DIP2C: variants seen among roughly 807,000 people sequenced by gnomAD.
DIP2C encodes the protein disco-interacting protein 2 homolog C.
Under a neutral mutation model 192.4 loss-of-function variants are expected in DIP2C, and 33 were observed. The observed-to-expected ratio is 0.17, with a 90% CI of 0.13 to 0.23. DIP2C has a LOEUF of 0.23. Among genes scored for constraint, DIP2C ranks in the 10% least tolerant of loss-of-function variants. The pLI, the probability that DIP2C is intolerant of heterozygous loss-of-function variation, is 1.00. For missense variants in DIP2C, 1,537 were observed against 2,110.1 expected, an observed-to-expected ratio of 0.73 and a Z score of 5.32; for synonymous variants, 979 against 864.1, an observed-to-expected ratio of 1.13 and a Z score of -2.33.
At chr10:426,808 A>T (rs182791382) in intron 4 of DIP2C, among the ~76,000 whole-genome samples, 496 of 152,294 alleles carry the variant, frequency 3.3e-3, no homozygotes, top group Non-Finnish European at 5.5e-3. Context: ...AACACACCAA[A>T]AAGAAAAAGC....
In DIP2C at chr10:415,851, C is replaced by A; in HGVS notation, c.777G>T (p.Gln259His). 6.2e-7 allele frequency: 1 copy of A among 1,613,890 alleles called. No individual in the cohort carries two copies. Among genetic ancestry groups the A allele is most frequent in the Non-Finnish European group, 8.5e-7 (1 of 1,179,986 alleles). Residue 259 changes from glutamine (Q) to histidine (H), a missense_variant, in exon 7 of 37, where the codon CAG becomes CAT. Transcript: ENST00000280886. ...PVSSRVSAKIQQLVNTLKRPK... is the reference protein window; with the variant it reads ...PVSSRVSAKIHQLVNTLKRPK... The stretch of plus-strand genomic sequence containing the variant: ...GTCGTTTGAGGGTATTGACAAGCTG[C>A]TGGATTTTTGCTGACACCCGGCTAC...
At chr10:599,629 C>G (rs947864832) in intron 1 of DIP2C, among the ~76,000 whole-genome samples, 2 of 152,158 alleles carry the variant, frequency 1.3e-5, no homozygotes, top group African/African-American at 4.8e-5. Context: ...GCTGGAGGGA[C>G]CTTCCAGGTA....
At position 292,240 on chromosome 10, in the gene DIP2C, T is replaced by C. The variant is rs556187852; in HGVS notation, c.3987-3819A>G. On this transcript the variant is annotated intron_variant, in intron 32 of 36. Transcript: ENST00000280886. Reference sequence around the variant, plus strand: ...CCAAATCGGCTCCACGAACCATTACTGCTGACACCCTTCCCTAGGTGAAAG... The same window carrying C: ...CCAAATCGGCTCCACGAACCATTACCGCTGACACCCTTCCCTAGGTGAAAG... Among the ~76,000 whole-genome samples, 43 of 152,364 alleles carry C rather than the reference T, an allele frequency of 2.8e-4. 1 individual carries two copies. In the South Asian group the frequency reaches 8.3e-3, roughly 29 times the overall value.
intron 4 of DIP2C, among the ~76,000 whole-genome samples, chr10:440,593 A>G (rs1382706545): frequency 1.3e-5 from 2 of 152,242 alleles, no homozygotes; most frequent in Non-Finnish European, 2.9e-5. Flanking sequence ...TTTCCCCTAC[A>G]AAGAATTAAA....
chr10:607,232 G>A lies in DIP2C; in HGVS notation c.85+82262C>T, dbSNP rs117111192. ...AGCCTCGAAGACACCAGTGAGAACT[G>A]ACCTGCCTCTTTTAAGGCAGCTCAA... On this transcript the variant is annotated intron_variant, in intron 1 of 36. Transcript: ENST00000280886. Among the ~76,000 whole-genome samples, 381 of 152,290 alleles carry A rather than the reference G, an allele frequency of 2.5e-3. 1 individual carries two copies. Among genetic ancestry groups the A allele is most frequent in the Middle Eastern group, 0.01 (3 of 294 alleles).
Position 317,258 on chromosome 10 carries a change from G to A in DIP2C, c.3925-7166C>T, listed in dbSNP as rs760850276. On this transcript the variant is annotated intron_variant, in intron 31 of 36. Coordinates refer to ENST00000280886, the MANE Select transcript of DIP2C (RefSeq NM_014974.3). ...AGACAGTGTGAACTCAGCTCAGGCC[G>A]TCTACCAGCAAGCTGGTCATCAGGA... is the stretch of plus-strand genomic sequence containing the variant. Among the ~76,000 whole-genome samples, 25 of 152,208 alleles carry A rather than the reference G, an allele frequency of 1.6e-4. 1 individual carries two copies. Among genetic ancestry groups the A allele is most frequent in the East Asian group, 7.7e-4 (4 of 5,188 alleles).
At chr10:466,658 T>C (rs1279818964) in intron 3 of DIP2C, among the ~76,000 whole-genome samples, 3 of 147,992 alleles carry the variant, frequency 2.0e-5, no homozygotes, top group East Asian at 2.0e-4. Context: ...AGGGCTAATA[T>C]CCAGAATCTA....
intron 3 of DIP2C, among the ~76,000 whole-genome samples, chr10:450,889 G>T (rs546409967): frequency 1.3e-5 from 2 of 152,290 alleles, no homozygotes; most frequent in South Asian, 2.1e-4. Context: ...AGCCAGGTTG[G>T]TTCTGTCACT....
chr10:470,545 G>A (rs1422489018), intron 3 of DIP2C, among the ~76,000 whole-genome samples: 1 of 152,176 alleles, frequency 6.6e-6, no homozygotes, highest in Non-Finnish European at 1.5e-5. Context: ...ACCTCTCTCA[G>A]GCTTTTATCA....
intron 1 of DIP2C, among the ~76,000 whole-genome samples, chr10:505,307 T>C (rs1332843914): frequency 6.6e-6 from 1 of 152,158 alleles, no homozygotes; most frequent in African/African-American, 2.4e-5. Context: ...GGAGCTATCT[T>C]AGGAGGCAAC....
chr10:323,995 G>A (rs1248299290), intron 31 of DIP2C, among the ~76,000 whole-genome samples: 1 of 152,084 alleles, frequency 6.6e-6, no homozygotes, highest in Non-Finnish European at 1.5e-5. Context: ...TCTGCCTGTA[G>A]CCTCTGCACT....
chr10:482,520 C>T (rs1458669016), intron 2 of DIP2C, among the ~76,000 whole-genome samples: 3 of 152,184 alleles, frequency 2.0e-5, no homozygotes, highest in African/African-American at 4.8e-5. Flanking sequence ...TTGTAACTTG[C>T]ACCTGGGCAT....
At chr10:597,486 C>T (rs773691907) in intron 1 of DIP2C, among the ~76,000 whole-genome samples, 1 of 152,158 alleles carries the variant, frequency 6.6e-6, no homozygotes, top group Non-Finnish European at 1.5e-5. Context: ...GAATGGAGAC[C>T]TGGTGAATGG....
chr10:643,720 C>A (rs748874661), intron 1 of DIP2C, among the ~76,000 whole-genome samples: 22 of 152,234 alleles, frequency 1.4e-4, no homozygotes, highest in Non-Finnish European at 3.2e-4. Context: ...TGGGCCCCCA[C>A]AATGCACAGG....
In DIP2C at chr10:597,381, G is replaced by C. The variant is rs571006796; in HGVS notation, c.85+92113C>G. ...ACACCGGGCTGGCTCTGTCTCTCTG[G>C]AGAGCCCTGACTAAGCTGCCCCTAG... On this transcript the variant is annotated intron_variant, in intron 1 of 36. Coordinates refer to ENST00000280886, the MANE Select transcript of DIP2C (RefSeq NM_014974.3). Among the ~76,000 whole-genome samples, 19 of 152,308 alleles carry C rather than the reference G, an allele frequency of 1.2e-4. No individual in the cohort carries two copies. In the East Asian group the frequency reaches 3.5e-3, roughly 28 times the overall value.
intron 1 of DIP2C, among the ~76,000 whole-genome samples, chr10:585,914 T>A (rs1850995413): frequency 1.3e-5 from 2 of 152,238 alleles, no homozygotes; most frequent in Admixed American, 6.5e-5. Context: ...AGGGGGGTTA[T>A]TCCTTTGTTT....
intron 1 of DIP2C, chr10:650,642 G>A (rs1855822099): frequency 1.6e-6 from 1 of 617,072 alleles, no homozygotes; most frequent in Non-Finnish European, 2.9e-6. Flanking sequence ...CCGGAGGCGG[G>A]GAAGCCATTC....
At chr10:543,341 C>G (rs779113945) in intron 1 of DIP2C, among the ~76,000 whole-genome samples, 6 of 152,236 alleles carry the variant, frequency 3.9e-5, no homozygotes, top group Non-Finnish European at 7.3e-5. Flanking sequence ...AGACACCACA[C>G]AGAAATGGGT....
chr10:522,496 C>G (rs768936137), intron 1 of DIP2C, among the ~76,000 whole-genome samples: 1 of 152,252 alleles, frequency 6.6e-6, no homozygotes, highest in Non-Finnish European at 1.5e-5. Flanking sequence ...CCTTCCACAG[C>G]AGCTGCCCCA....
Sources: allele counts gnomAD v4.1 joint callset (sites outside exome capture counted in the v4.1 genomes callset), GRCh38; gene constraint gnomAD v4.1.1; transcripts MANE v1.5; gene names NCBI Gene and HGNC (gene_info 2026-07-23, HGNC 2026-07-21).